The following RIPOR2 variants were observed in gnomAD, a reference collection of about 807,000 sequenced individuals.
RIPOR2 encodes rho family-interacting cell polarization regulator 2.
Under a neutral mutation model 114.5 loss-of-function variants are expected in RIPOR2, and 39 were observed. The observed-to-expected ratio is 0.34, with a 90% CI of 0.26 to 0.44. The LOEUF (loss-of-function observed/expected upper bound fraction) is 0.44, where lower values mean the gene tolerates loss of function less well. Among genes scored for constraint, RIPOR2 ranks in the 20% least tolerant of loss-of-function variants. The pLI is 1.00. For missense variants in RIPOR2, 1,007 were observed against 1,255.1 expected, an observed-to-expected ratio of 0.80 and a Z score of 2.99; for synonymous variants, 445 against 484.4, an observed-to-expected ratio of 0.92 and a Z score of 1.07.
At chr6:24,847,403 G>C in intron 12 of RIPOR2, 1 of 725,072 alleles carries the variant, frequency 1.4e-6, no homozygotes, top group Non-Finnish European at 2.1e-6. Context: ...GCACGACCAA[G>C]TGTCCCGCCC....
intron 1 of RIPOR2, among the ~76,000 whole-genome samples, chr6:25,028,975 C>T (rs1234933698): frequency 1.3e-5 from 2 of 152,104 alleles, no homozygotes; most frequent in Non-Finnish European, 2.9e-5. Context: ...CAGCAGAGTG[C>T]TGGGAGAGGG....
intron 1 of RIPOR2, among the ~76,000 whole-genome samples, chr6:24,945,078 T>G (rs1772340295): frequency 6.6e-6 from 1 of 152,156 alleles, no homozygotes; most frequent in African/African-American, 2.4e-5. Flanking sequence ...TACTCTGATT[T>G]GTATATATTC....
Position 24,842,819 on chromosome 6 carries a change from C to T in RIPOR2, c.1857+43G>A, listed in dbSNP as rs780514444. ...TTAAATAGAATGTTGGCTTAGGACA[C>T]CTCTCTCCAAACCTAATCCAATTTC... On this transcript the variant is annotated intron_variant, in intron 13 of 21. Coordinates refer to ENST00000643898, the MANE Select transcript of RIPOR2 (RefSeq NM_001286445.3). The T allele has an allele frequency of 7.4e-6, 9 of 1,216,174 alleles. No individual in the cohort carries two copies. In the African/African-American group the frequency reaches 1.2e-4, roughly 17 times the overall value. 75.3% of individuals were successfully genotyped at this position (1,216,174 alleles called of 1,614,324 possible).
chr6:24,950,499 G>T (rs1431027348), intron 1 of RIPOR2, among the ~76,000 whole-genome samples: 2 of 152,178 alleles, frequency 1.3e-5, no homozygotes, highest in Non-Finnish European at 2.9e-5. Flanking sequence ...AGATACTTGG[G>T]AGTATGTGTG....
Position 24,837,683 on chromosome 6 carries a change from T to C in RIPOR2, c.2039+1408A>G, listed in dbSNP as rs147371893. Among the ~76,000 whole-genome samples, 265 of 152,372 alleles carry C rather than the reference T, an allele frequency of 1.7e-3. 2 individuals carry two copies. Among genetic ancestry groups the C allele is most frequent in the African/African-American group, 5.8e-3 (243 of 41,594 alleles). On this transcript the variant is annotated intron_variant, in intron 14 of 21. Transcript: ENST00000643898. ...CCTTGGCTTCCCAAAGTGCTGGGAT[T>C]ATAGGCATGAGCCATCATGCCTGGC...
At chr6:24,837,361 A>G (rs1761212056) in intron 14 of RIPOR2, among the ~76,000 whole-genome samples, 1 of 152,032 alleles carries the variant, frequency 6.6e-6, no homozygotes, top group Admixed American at 6.6e-5. Flanking sequence ...ACCTCAAGTG[A>G]TTCACCCTCC....
intron 1 of RIPOR2, among the ~76,000 whole-genome samples, chr6:24,966,805 T>C (rs993415162): frequency 2.6e-5 from 4 of 152,178 alleles, no homozygotes; most frequent in African/African-American, 4.8e-5. Context: ...TACTTGACCA[T>C]GCAAAGAATT....
At chr6:24,839,459 A>G (rs1761422192) in intron 13 of RIPOR2, 187 bp from the exon 14 acceptor site, 1 of 1,436,486 alleles carries the variant, frequency 7.0e-7, no homozygotes, top group Non-Finnish European at 9.3e-7. Context: ...ATAAAATGGC[A>G]CAATATCTGG....
intron 1 of RIPOR2, among the ~76,000 whole-genome samples, chr6:24,922,954 A>T (rs888969522): frequency 3.9e-5 from 6 of 152,028 alleles, no homozygotes; most frequent in African/African-American, 1.4e-4. Context: ...TGTAAAGTAC[A>T]TTCATACCGT....
chr6:24,887,537 G>A (rs1483671334), intron 1 of RIPOR2, among the ~76,000 whole-genome samples: 1 of 152,176 alleles, frequency 6.6e-6, no homozygotes, highest in East Asian at 1.9e-4. Context: ...TTATCAAATG[G>A]AATGTGCTAA....
At chr6:24,924,976 T>A (rs1346335067) in intron 1 of RIPOR2, among the ~76,000 whole-genome samples, 2 of 152,238 alleles carry the variant, frequency 1.3e-5, no homozygotes, top group Non-Finnish European at 2.9e-5. Flanking sequence ...AATTGAGTAC[T>A]CTAAAAAATG....
intron 1 of RIPOR2, among the ~76,000 whole-genome samples, chr6:24,900,153 T>C (rs1768279528): frequency 6.6e-6 from 1 of 152,160 alleles, no homozygotes; most frequent in Admixed American, 6.5e-5. Context: ...TCGGGCTTTT[T>C]GAACATGCTA....
intron 1 of RIPOR2, among the ~76,000 whole-genome samples, chr6:24,928,367 TTATAAA>T (rs1320741413): frequency 1.3e-5 from 2 of 152,212 alleles, no homozygotes; most frequent in Non-Finnish European, 2.9e-5. Flanking sequence ...TATTTTGCTG[TTATAAA>T]TAGAAAGAAA....
At chr6:24,831,706 A>T (rs1421495910) in intron 16 of RIPOR2, among the ~76,000 whole-genome samples, 2 of 152,196 alleles carry the variant, frequency 1.3e-5, no homozygotes, top group African/African-American at 4.8e-5. Context: ...CTGATATGAA[A>T]ACAGACATAA....
At chr6:24,945,435 G>C (rs1163038347) in intron 1 of RIPOR2, among the ~76,000 whole-genome samples, 1 of 152,130 alleles carries the variant, frequency 6.6e-6, no homozygotes, top group Non-Finnish European at 1.5e-5. Context: ...GAGAGCACTG[G>C]TAGAAGTAAC....
intron 1 of RIPOR2, among the ~76,000 whole-genome samples, chr6:24,988,553 T>C (rs991406497): frequency 6.6e-6 from 1 of 152,234 alleles, no homozygotes; most frequent in Non-Finnish European, 1.5e-5. Flanking sequence ...ACTGACCCAC[T>C]GGATTTCAAA....
At chr6:24,968,108 G>A (rs767625614) in intron 1 of RIPOR2, among the ~76,000 whole-genome samples, 3 of 151,870 alleles carry the variant, frequency 2.0e-5, no homozygotes, top group Non-Finnish European at 4.4e-5. Context: ...GTGTCCCCAT[G>A]TTGGCCAGGC....
At chr6:24,990,088 C>T (rs1333896625) in intron 1 of RIPOR2, among the ~76,000 whole-genome samples, 1 of 151,722 alleles carries the variant, frequency 6.6e-6, no homozygotes, top group Non-Finnish European at 1.5e-5. Context: ...ATAAAATAGG[C>T]CAAATGCAAC....
chr6:24,918,313 C>A (rs951881135), intron 1 of RIPOR2, among the ~76,000 whole-genome samples: 1 of 152,148 alleles, frequency 6.6e-6, no homozygotes, highest in African/African-American at 2.4e-5. Context: ...TTAATCATTA[C>A]CTATTATTGA....
Sources: gnomAD v4.1 joint callset for allele counts (sites outside exome capture counted in the v4.1 genomes callset) on GRCh38, gnomAD v4.1.1 for gene constraint, MANE v1.5 for transcripts, NCBI Gene and HGNC (gene_info 2026-07-23, HGNC 2026-07-21) for gene names.